The following DOCK10 variants were observed in gnomAD, a reference collection of about 807,000 sequenced individuals.
The protein encoded by DOCK10 is dedicator of cytokinesis protein 10.
Under a neutral mutation model 280.1 loss-of-function variants are expected in DOCK10, and 145 were observed. The ratio of observed to expected loss-of-function variants is 0.52; its 90% CI spans 0.45 to 0.59. The LOEUF (loss-of-function observed/expected upper bound fraction) is 0.59. Among genes scored for constraint, DOCK10 ranks in the 20% least tolerant of loss-of-function variants. The pLI is 0.00. For missense variants in DOCK10, 2,368 were observed against 2,651.7 expected, an observed-to-expected ratio of 0.89 and a Z score of 2.35; for synonymous variants, 915 against 942.2, an observed-to-expected ratio of 0.97 and a Z score of 0.53.
chr2:225,018,161 A>C (rs893696806), intron 1 of DOCK10, among the ~76,000 whole-genome samples: 2 of 152,178 alleles, frequency 1.3e-5, no homozygotes, highest in African/African-American at 2.4e-5. Flanking sequence ...CAGTACATCA[A>C]GAAACTTTTT....
chr2:224,882,575 G>A (rs1164476397), intron 7 of DOCK10, among the ~76,000 whole-genome samples: 1 of 152,154 alleles, frequency 6.6e-6, no homozygotes, highest in Non-Finnish European at 1.5e-5. Context: ...TATGGATTAA[G>A]TCTGAATGAA....
chr2:224,841,401 A>G (rs1695956119), intron 23 of DOCK10, among the ~76,000 whole-genome samples: 2 of 152,174 alleles, frequency 1.3e-5, no homozygotes. Flanking sequence ...AATACGTTAG[A>G]AAAAAATAAA....
chr2:224,943,680 T>C (rs1703221373), intron 1 of DOCK10, among the ~76,000 whole-genome samples: 1 of 152,284 alleles, frequency 6.6e-6, no homozygotes, highest in South Asian at 2.1e-4. Context: ...TCAACTGAAT[T>C]GCTCCTTCCC....
At position 224,802,004 on chromosome 2, in the gene DOCK10, C is replaced by G. The variant is rs1184883554; in HGVS notation, c.4305G>C (p.Gln1435His). 1.9e-6 allele frequency: 3 copies of G among 1,613,032 alleles called. No individual in the cohort carries two copies. The South Asian group carries it at 3.3e-5, about 18-fold the overall frequency. ...TTATAGGTAAAGTTTGTGATCTGTG[C>G]TGCTTATGGCCTTCATGACTGGAAG... ...HSTSSHEGHK[Q>H]HRSQTLPIIR... is the part of the protein sequence containing the mutation. The change falls in exon 40 of 56, where the codon CAG becomes CAC. Residue 1435 changes from glutamine (Q) to histidine (H), a missense_variant. Physicochemically the swap from Gln to His is conservative, Grantham distance 24. Transcript: ENST00000258390.
chr2:224,794,904 T>A lies in DOCK10; in HGVS notation c.5129A>T (p.His1710Leu). Residue 1710 changes from histidine to leucine, a missense_variant, in exon 45 of 56, where the codon CAT becomes CTT. His to Leu is a moderately conservative substitution (Grantham distance 99). Around this residue, in one of 2 missense-constraint regions of DOCK10, gnomAD observed 1,159 missense variants for 1,400.8 expected, o/e 0.83. Transcript: ENST00000258390. ...RTWLESMAKIHARNGDLSEAA... is the reference protein window; with the variant it reads ...RTWLESMAKILARNGDLSEAA... ...CTCAGATAAATCTCCGTTTCTGGCA[T>A]GAATCTTGGCCATACTTTCCAGCCA... 1 of 1,613,916 alleles carries A rather than the reference T, an allele frequency of 6.2e-7. No individual in the cohort carries two copies.
Position 224,803,998 on chromosome 2 carries a change from A to ATG in DOCK10, c.4268+113_4268+114insCA, listed in dbSNP as rs1491237798. ...ACTTGGTTTGAATATATAAATAGAA[A>ATG]TATGTGTGTGTGTGTGTGTGTGTGT... On this transcript the variant is annotated intron_variant, in intron 39 of 55. Coordinates refer to ENST00000258390, the MANE Select transcript of DOCK10 (RefSeq NM_014689.3). 8.7e-6 allele frequency: 5 copies of ATG among 572,360 alleles called. No individual in the cohort carries two copies. In the South Asian group the frequency reaches 1.0e-4, roughly 11 times the overall value. 35.5% of individuals were successfully genotyped at this position (572,360 alleles called of 1,614,324 possible).
chr2:224,957,308 G>A (rs111849469), intron 1 of DOCK10, among the ~76,000 whole-genome samples: 110 of 107,140 alleles, frequency 1.0e-3, no homozygotes, highest in Non-Finnish European at 1.8e-3. Context: ...TTTGTTTTTC[G>A]GAGATGGGGT....
chr2:224,780,806 A>T (rs1691274802), intron 50 of DOCK10, among the ~76,000 whole-genome samples: 1 of 152,026 alleles, frequency 6.6e-6, no homozygotes, highest in Non-Finnish European at 1.5e-5. Flanking sequence ...AGGCTGAGGC[A>T]GGAGAATCGC....
At chr2:225,028,172 T>G (rs1390435360) in intron 1 of DOCK10, among the ~76,000 whole-genome samples, 1 of 152,084 alleles carries the variant, frequency 6.6e-6, no homozygotes, top group African/African-American at 2.4e-5. Flanking sequence ...TTGTCCTGGA[T>G]TATCTAGGTG....
chr2:224,953,749 G>A (rs1365073382), intron 1 of DOCK10, among the ~76,000 whole-genome samples: 4 of 152,154 alleles, frequency 2.6e-5, no homozygotes, highest in Non-Finnish European at 5.9e-5. Context: ...TTAAAATGGC[G>A]CTACTAAAAA....
At chr2:225,016,652 GATACAT>G in intron 1 of DOCK10, among the ~76,000 whole-genome samples, 1 of 18,116 alleles carries the variant, frequency 5.5e-5, no homozygotes, top group Non-Finnish European at 1.1e-4. Flanking sequence ...TGTGCACATA[GATACAT>G]AGATACATAT....
intron 3 of DOCK10, among the ~76,000 whole-genome samples, chr2:224,912,374 A>T (rs1701071391): frequency 1.3e-5 from 2 of 152,020 alleles, no homozygotes; most frequent in African/African-American, 2.4e-5. Context: ...AGCTCAGGTG[A>T]TCCACCCGCC....
At position 224,896,358 on chromosome 2, in the gene DOCK10, G is replaced by A. The variant is rs1329636844; in HGVS notation, c.353C>T (p.Ser118Phe). 3 of 1,595,064 alleles carry A rather than the reference G, an allele frequency of 1.9e-6. No homozygotes were observed. The highest frequency in any genetic ancestry group is 2.6e-6 in the Non-Finnish European group (3 of 1,167,852). ...TTTGTAGTTTACCACATGCCACTGG[G>A]AACTATAAAATTTACAAGCCTGAAA... ...LVKEACKFYS[S>F]QWHVVNYKYE... The change falls in exon 4 of 56, where the codon TCC becomes TTC. Residue 118 changes from serine to phenylalanine, a missense_variant. Around this residue, in one of 2 missense-constraint regions of DOCK10, gnomAD observed 1,209 missense variants for 1,250.9 expected, o/e 0.97. Transcript: ENST00000258390.
intron 1 of DOCK10, chr2:224,982,059 G>T (rs1172967416): frequency 1.9e-6 from 1 of 515,570 alleles, no homozygotes; most frequent in Non-Finnish European, 3.0e-6. Flanking sequence ...AAATAGTTCC[G>T]AAAGATTTTC....
chr2:224,811,699 T>C (rs370738253), intron 31 of DOCK10, among the ~76,000 whole-genome samples: 7 of 150,546 alleles, frequency 4.6e-5, no homozygotes, highest in Non-Finnish European at 8.9e-5. Flanking sequence ...CAGCTTTCTA[T>C]ATATGGCTAG....
intron 1 of DOCK10, chr2:224,946,896 CTCT>C: frequency 1.3e-6 from 2 of 1,547,128 alleles, no homozygotes; most frequent in Non-Finnish European, 1.7e-6. Flanking sequence ...CACAGTTCGT[CTCT>C]TCTTCCAAAA....
At chr2:224,810,892 C>T (rs1404075707) in intron 31 of DOCK10, among the ~76,000 whole-genome samples, 1 of 151,994 alleles carries the variant, frequency 6.6e-6, no homozygotes, top group Non-Finnish European at 1.5e-5. Context: ...CATTGTTGGA[C>T]ATTTGGGTTG....
intron 1 of DOCK10, among the ~76,000 whole-genome samples, chr2:224,950,743 G>A (rs1232573077): frequency 6.6e-6 from 1 of 152,218 alleles, no homozygotes; most frequent in Admixed American, 6.5e-5. Context: ...AGTTAGGACT[G>A]GAGACGTGGA....
chr2:225,026,880 C>T (rs570951699), intron 1 of DOCK10, among the ~76,000 whole-genome samples: 1 of 152,100 alleles, frequency 6.6e-6, no homozygotes, highest in Admixed American at 6.5e-5. Flanking sequence ...AATACTTGAT[C>T]CACTCTTCTG....
Sources: allele counts gnomAD v4.1 joint callset (sites outside exome capture counted in the v4.1 genomes callset), GRCh38; gene constraint gnomAD v4.1.1; regional missense constraint gnomAD v4.1.1; transcripts MANE v1.5; gene names NCBI Gene and HGNC (gene_info 2026-07-23, HGNC 2026-07-21).